Variants in FHIT observed in about 807,000 individuals in gnomAD.
The protein encoded by FHIT is fragile histidine triad diadenosine triphosphatase.
Under a neutral mutation model 17.9 loss-of-function variants are expected in FHIT, and 19 were observed. The observed-to-expected ratio is 1.06, with a 90% CI of 0.74 to 1.56. The LOEUF is 1.56. FHIT is among the 40% of genes most tolerant of loss of function. The pLI, the probability that FHIT is intolerant of heterozygous loss-of-function variation, is 0.00. For missense variants in FHIT, 248 were observed against 189.2 expected, an observed-to-expected ratio of 1.31 and a Z score of -1.82; for synonymous variants, 81 against 69.7, an observed-to-expected ratio of 1.16 and a Z score of -0.81.
chr3:61,003,438 G>A (rs1215848633), intron 3 of FHIT, among the ~76,000 whole-genome samples: 1 of 152,186 alleles, frequency 6.6e-6, no homozygotes, highest in Non-Finnish European at 1.5e-5. Context: ...TTATTTAAAT[G>A]TACTGAAACA....
chr3:60,110,486 T>G (rs949927017), intron 5 of FHIT, among the ~76,000 whole-genome samples: 1 of 152,150 alleles, frequency 6.6e-6, no homozygotes, highest in Non-Finnish European at 1.5e-5. Flanking sequence ...GATCACCAAA[T>G]AGACACCAGT....
intron 2 of FHIT, among the ~76,000 whole-genome samples, chr3:61,150,294 T>C (rs1476991386): frequency 6.6e-6 from 1 of 152,072 alleles, no homozygotes; most frequent in Non-Finnish European, 1.5e-5. Flanking sequence ...GAGAGATTTT[T>C]TTTTGGAAAT....
At chr3:60,024,063 C>T (rs966767243) in intron 5 of FHIT, among the ~76,000 whole-genome samples, 1 of 151,178 alleles carries the variant, frequency 6.6e-6, no homozygotes, top group Non-Finnish European at 1.5e-5. Flanking sequence ...AAAATAAATA[C>T]AAACTGGTCT....
chr3:60,009,403 A>T (rs114678620), intron 7 of FHIT, among the ~76,000 whole-genome samples: 1 of 152,164 alleles, frequency 6.6e-6, no homozygotes, highest in Non-Finnish European at 1.5e-5. Context: ...TAAGCTAAAT[A>T]ATCAGGGTGA....
chr3:61,170,222 A>T (rs1306749124), intron 2 of FHIT, among the ~76,000 whole-genome samples: 2 of 152,194 alleles, frequency 1.3e-5, no homozygotes, highest in East Asian at 3.8e-4. Context: ...AATCCACTGA[A>T]AAGAGATAAT....
chr3:59,863,271 C>T (rs1340131074), intron 8 of FHIT, among the ~76,000 whole-genome samples: 1 of 152,208 alleles, frequency 6.6e-6, no homozygotes, highest in Non-Finnish European at 1.5e-5. Flanking sequence ...TGACGCACAT[C>T]ACCCCTTAGA....
At chr3:60,628,901 G>A (rs1361065066) in intron 4 of FHIT, among the ~76,000 whole-genome samples, 1 of 152,124 alleles carries the variant, frequency 6.6e-6, no homozygotes, top group Non-Finnish European at 1.5e-5. Flanking sequence ...TTTCTGAGTA[G>A]GGGACTTGTT....
At chr3:60,324,203 C>T (rs1162459875) in intron 5 of FHIT, among the ~76,000 whole-genome samples, 2 of 152,082 alleles carry the variant, frequency 1.3e-5, no homozygotes, top group Non-Finnish European at 2.9e-5. Flanking sequence ...TAATGGGCCC[C>T]AAATCTCTCT....
rs11928062 is a variant in FHIT at position 60,185,461 on chromosome 3, T to C, written c.104-171309A>G. 2.3e-3 allele frequency among the ~76,000 whole-genome samples: 343 copies of C among 152,354 alleles called. 1 individual carries two copies. Among genetic ancestry groups the C allele is most frequent in the African/African-American group, 7.9e-3 (329 of 41,586 alleles). ...GTTTCTATGTATAGTTCATTCCTTTTTATTGCTGAGTAATGTTCCATTCTA... is the reference window on the plus strand; with the variant it reads ...GTTTCTATGTATAGTTCATTCCTTTCTATTGCTGAGTAATGTTCCATTCTA... On this transcript the variant is annotated intron_variant, in intron 5 of 9. Transcript: ENST00000492590.
chr3:60,443,774 G>C (rs77765120), intron 5 of FHIT, among the ~76,000 whole-genome samples: 25,317 of 152,032 alleles, frequency 0.17, 2,372 homozygotes, highest in Admixed American at 0.28. Context: ...GTATCAGGAT[G>C]ATGCCGGCCT....
chr3:60,878,677 C>T (rs192062436), intron 3 of FHIT, among the ~76,000 whole-genome samples: 29 of 151,828 alleles, frequency 1.9e-4, no homozygotes, highest in Admixed American at 1.2e-3. Context: ...GTGTGATGTT[C>T]CCCTTCCTGT....
chr3:60,742,664 T>C (rs782000487), intron 4 of FHIT, among the ~76,000 whole-genome samples: 5 of 152,252 alleles, frequency 3.3e-5, no homozygotes, highest in Non-Finnish European at 7.3e-5. Flanking sequence ...CCCATGCGTT[T>C]GATTGTATCC....
intron 3 of FHIT, among the ~76,000 whole-genome samples, chr3:60,954,746 A>G (rs1709038613): frequency 6.6e-6 from 1 of 152,212 alleles, no homozygotes; most frequent in African/African-American, 2.4e-5. Flanking sequence ...AGATAGTTTC[A>G]AGATGATCAT....
intron 5 of FHIT, among the ~76,000 whole-genome samples, chr3:60,284,336 G>A (rs1332252596): frequency 6.6e-6 from 1 of 152,106 alleles, no homozygotes; most frequent in African/African-American, 2.4e-5. Flanking sequence ...GACAAAATGT[G>A]AATGCAAACA....
At chr3:60,597,618 C>G (rs1327990427) in intron 4 of FHIT, among the ~76,000 whole-genome samples, 1 of 152,236 alleles carries the variant, frequency 6.6e-6, no homozygotes, top group East Asian at 1.9e-4. Context: ...AAGTCTAAGT[C>G]TCAGTCTCTA....
At chr3:60,482,469 A>G (rs756655287) in intron 5 of FHIT, among the ~76,000 whole-genome samples, 6 of 152,122 alleles carry the variant, frequency 3.9e-5, no homozygotes, top group Non-Finnish European at 8.8e-5. Context: ...AACTGAAATC[A>G]TAACAGTCTC....
At chr3:60,708,675 G>A (rs190939237) in intron 4 of FHIT, among the ~76,000 whole-genome samples, 79 of 152,282 alleles carry the variant, frequency 5.2e-4, no homozygotes, top group African/African-American at 1.8e-3. Flanking sequence ...GACTTTAGGA[G>A]CCAATTAATG....
At chr3:60,892,191 G>T (rs943012918) in intron 3 of FHIT, among the ~76,000 whole-genome samples, 11 of 152,148 alleles carry the variant, frequency 7.2e-5, no homozygotes, top group Admixed American at 3.3e-4. Flanking sequence ...GGTTTGTTTG[G>T]TTTTTTCTTT....
At chr3:60,122,369 G>A (rs183242755) in intron 5 of FHIT, among the ~76,000 whole-genome samples, 2 of 152,164 alleles carry the variant, frequency 1.3e-5, no homozygotes, top group African/African-American at 2.4e-5. Flanking sequence ...CGGCCCTCAG[G>A]GAACATTTGA....
Sources: allele counts gnomAD v4.1 joint callset (sites outside exome capture counted in the v4.1 genomes callset), GRCh38; gene constraint gnomAD v4.1.1; transcripts MANE v1.5; gene names NCBI Gene and HGNC (gene_info 2026-07-23, HGNC 2026-07-21).